CERS6: variants seen among roughly 807,000 people sequenced by gnomAD.
The protein encoded by CERS6 is LAG1 homolog, ceramide synthase 6.
CERS6 carries 26 observed loss-of-function variants against 56.8 expected under a neutral mutation model. That is an observed-to-expected ratio of 0.46 (90% confidence interval 0.34 to 0.63). The LOEUF (loss-of-function observed/expected upper bound fraction) is 0.63, where lower values mean the gene tolerates loss of function less well. Among genes scored for constraint, CERS6 ranks in the 30% least tolerant of loss-of-function variants. The probability of loss-of-function intolerance (pLI) is 0.01; values close to 1 mark genes in which losing one functional copy is unlikely to be tolerated. For missense variants in CERS6, 415 were observed against 467.5 expected, an observed-to-expected ratio of 0.89 and a Z score of 1.04; for synonymous variants, 164 against 173.3, an observed-to-expected ratio of 0.95 and a Z score of 0.42.
chr2:168,663,877 A>G (rs1685693217), intron 4 of CERS6, among the ~76,000 whole-genome samples: 1 of 152,136 alleles, frequency 6.6e-6, no homozygotes, highest in Admixed American at 6.6e-5. Flanking sequence ...CTTTGGTAGA[A>G]TTTGGGTCAG....
intron 6 of CERS6, among the ~76,000 whole-genome samples, chr2:168,703,877 C>T (rs1234104544): frequency 6.6e-6 from 1 of 152,160 alleles, no homozygotes; most frequent in Non-Finnish European, 1.5e-5. Context: ...AGGCCTGTGT[C>T]CTGTTTCTTT....
In CERS6 at chr2:168,733,444, C is replaced by T. The variant is rs935429355; in HGVS notation, c.845+15466C>T. 5.9e-5 allele frequency among the ~76,000 whole-genome samples: 9 copies of T among 152,136 alleles called. No individual in the cohort carries two copies. The East Asian group carries it at 1.5e-3, about 26-fold the overall frequency. On this transcript the variant is annotated intron_variant, in intron 8 of 9. Coordinates refer to ENST00000305747, the MANE Select transcript of CERS6 (RefSeq NM_203463.3). ...TGAAGAGGAAAGAGAGTTAATTTTCCTTCATGTTAACACTGTTCCCAGTAT... is the reference window on the plus strand; with the variant it reads ...TGAAGAGGAAAGAGAGTTAATTTTCTTTCATGTTAACACTGTTCCCAGTAT...
At chr2:168,488,528 G>C (rs984125873) in intron 1 of CERS6, among the ~76,000 whole-genome samples, 3 of 151,994 alleles carry the variant, frequency 2.0e-5, no homozygotes, top group African/African-American at 7.2e-5. Flanking sequence ...TCATGGGTGT[G>C]TTTAGATCAT....
intron 1 of CERS6, among the ~76,000 whole-genome samples, chr2:168,469,624 C>T (rs1237395555): frequency 6.6e-6 from 1 of 151,942 alleles, no homozygotes; most frequent in Non-Finnish European, 1.5e-5. Context: ...TGGGTACACG[C>T]AGTAAGGTGA....
At position 168,545,107 on chromosome 2, in the gene CERS6, A is replaced by G. The variant is rs113552461; in HGVS notation, c.171-2489A>G. On this transcript the variant is annotated intron_variant, in intron 1 of 9. Transcript: ENST00000305747. The stretch of plus-strand genomic sequence containing the variant: ...CATACATGTATTTGTAGAAACACAT[A>G]CATGTATTTGTAGAAACACACACAT... Among the ~76,000 whole-genome samples, 258 of 151,416 alleles carry G rather than the reference A, an allele frequency of 1.7e-3. 4 individuals are homozygous for G. The highest frequency in any genetic ancestry group is 5.9e-3 in the African/African-American group (244 of 41,394).
chr2:168,759,790 G>C (rs1684515974), intron 8 of CERS6, among the ~76,000 whole-genome samples: 2 of 151,972 alleles, frequency 1.3e-5, no homozygotes, highest in Non-Finnish European at 2.9e-5. Context: ...CAAAAACAAA[G>C]TAGTCTTAAA....
intron 6 of CERS6, among the ~76,000 whole-genome samples, chr2:168,695,284 A>G (rs1168490795): frequency 6.6e-6 from 1 of 152,138 alleles, no homozygotes; most frequent in African/African-American, 2.4e-5. Flanking sequence ...CCATGTAATA[A>G]TGTAGCAATG....
At chr2:168,537,075 G>A (rs934952134) in intron 1 of CERS6, among the ~76,000 whole-genome samples, 9 of 151,784 alleles carry the variant, frequency 5.9e-5, no homozygotes, top group African/African-American at 1.9e-4. Context: ...TTTTCCACAT[G>A]GGCTTTGTTA....
intron 4 of CERS6, among the ~76,000 whole-genome samples, chr2:168,667,211 AGAAAACCTTTAAGCAG>A (rs1288596698): frequency 6.6e-6 from 1 of 152,254 alleles, no homozygotes; most frequent in African/African-American, 2.4e-5. Flanking sequence ...AGTGACATTT[AGAAAACCTTTAAGCAG>A]GAAAACCCCA....
intron 8 of CERS6, among the ~76,000 whole-genome samples, chr2:168,732,734 C>G (rs1353140035): frequency 6.6e-6 from 1 of 152,172 alleles, no homozygotes; most frequent in Non-Finnish European, 1.5e-5. Flanking sequence ...GACTCTTTCT[C>G]TCTCCCTTTT....
chr2:168,701,969 T>C (rs976830009), intron 6 of CERS6, among the ~76,000 whole-genome samples: 2 of 152,232 alleles, frequency 1.3e-5, no homozygotes, highest in Non-Finnish European at 2.9e-5. Flanking sequence ...AAATGCAATG[T>C]TAATAGTTAT....
intron 8 of CERS6, among the ~76,000 whole-genome samples, chr2:168,762,523 T>C (rs185215194): frequency 2.0e-5 from 3 of 152,346 alleles, no homozygotes; most frequent in Admixed American, 6.5e-5. Context: ...TAATGAGGAA[T>C]TAAACATTAC....
chr2:168,613,701 C>T (rs1684241735), intron 3 of CERS6, among the ~76,000 whole-genome samples: 1 of 152,170 alleles, frequency 6.6e-6, no homozygotes, highest in African/African-American at 2.4e-5. Context: ...CTCATGATCT[C>T]ATGTTCACCC....
intron 8 of CERS6, among the ~76,000 whole-genome samples, chr2:168,745,980 A>G (rs1041271951): frequency 3.9e-5 from 6 of 152,220 alleles, no homozygotes; most frequent in Non-Finnish European, 1.5e-5. Context: ...GATATGGTGC[A>G]TACCCGCATC....
At chr2:168,677,641 G>T (rs1315116223) in intron 4 of CERS6, among the ~76,000 whole-genome samples, 1 of 152,072 alleles carries the variant, frequency 6.6e-6, no homozygotes, top group Admixed American at 6.6e-5. Context: ...GAGATTACAG[G>T]CATGCACCAC....
Position 168,770,282 on chromosome 2 carries a change from G to A in CERS6, c.*620G>A, listed in dbSNP as rs1036599440. 4 of 152,362 alleles carry A rather than the reference G, an allele frequency of 2.6e-5. No homozygotes were observed. The highest frequency in any genetic ancestry group is 1.3e-4 in the Admixed American group (2 of 15,284). 9.4% of individuals were successfully genotyped at this position (152,362 alleles called of 1,614,324 possible). ...TTGGAGAACTTTTTTGAATGGTTTTGTATTAAATTGCTTTGAAATAGATTT... is the reference window on the plus strand; with the variant it reads ...TTGGAGAACTTTTTTGAATGGTTTTATATTAAATTGCTTTGAAATAGATTT... On this transcript the variant is annotated 3_prime_UTR_variant, in exon 10 of 10. Coordinates refer to ENST00000305747, the MANE Select transcript of CERS6 (RefSeq NM_203463.3).
intron 4 of CERS6, among the ~76,000 whole-genome samples, chr2:168,635,850 C>T (rs1030156185): frequency 6.6e-6 from 1 of 152,136 alleles, no homozygotes; most frequent in African/African-American, 2.4e-5. Context: ...ATTCAACACA[C>T]AAAGCCACGA....
intron 4 of CERS6, among the ~76,000 whole-genome samples, chr2:168,669,230 A>G (rs747308758): frequency 2.0e-5 from 3 of 152,220 alleles, no homozygotes; most frequent in African/African-American, 4.8e-5. Context: ...CTGGTGCAAG[A>G]TGGCTGCTGG....
At chr2:168,730,090 A>G (rs891910208) in intron 8 of CERS6, among the ~76,000 whole-genome samples, 2 of 152,224 alleles carry the variant, frequency 1.3e-5, no homozygotes, top group Non-Finnish European at 2.9e-5. Flanking sequence ...TCCTTAAGAT[A>G]CGGAATCGGC....
Sources: allele counts gnomAD v4.1 joint callset (sites outside exome capture counted in the v4.1 genomes callset), GRCh38; gene constraint gnomAD v4.1.1; transcripts MANE v1.5; gene names NCBI Gene and HGNC (gene_info 2026-07-23, HGNC 2026-07-21).